PCDHA2: variants seen among roughly 807,000 people sequenced by gnomAD.
The protein encoded by PCDHA2 is protocadherin alpha-2.
In PCDHA2, 58 loss-of-function variants were observed where a neutral mutation model predicts 66.0. The ratio of observed to expected loss-of-function variants is 0.88; its 90% CI spans 0.71 to 1.09. PCDHA2 has a LOEUF of 1.09. Ranked by LOEUF, PCDHA2 falls within the 50% of genes least tolerant of loss-of-function variation. The probability of loss-of-function intolerance (pLI) is 0.00; values close to 1 mark genes in which losing one functional copy is unlikely to be tolerated. For missense variants in PCDHA2, 1,267 were observed against 1,242.3 expected (o/e 1.02, Z -0.30); for synonymous variants, 634 against 554.0 (o/e 1.14, Z -2.03).
chr5:140,832,005 A>G (rs1440445717), intron 1 of PCDHA2, among the ~76,000 whole-genome samples: 2 of 152,164 alleles, frequency 1.3e-5, no homozygotes, highest in African/African-American at 4.8e-5. Context: ...TATTGTTTTC[A>G]TTTTACGTAA....
chr5:140,982,795 A>ATGTG (rs60616196), intron 3 of PCDHA2, among the ~76,000 whole-genome samples: 1 of 151,628 alleles, frequency 6.6e-6, no homozygotes, highest in African/African-American at 2.4e-5. Context: ...GCATGTGTGC[A>ATGTG]TGTGTGTGTG....
intron 1 of PCDHA2, among the ~76,000 whole-genome samples, chr5:140,914,423 G>T (rs1293093692): frequency 3.3e-5 from 5 of 152,086 alleles, no homozygotes; most frequent in African/African-American, 1.2e-4. Context: ...CCATTAGCAA[G>T]GAATATCTTT....
chr5:140,832,197 C>T (rs1212075331), intron 1 of PCDHA2, among the ~76,000 whole-genome samples: 4 of 152,210 alleles, frequency 2.6e-5, no homozygotes, highest in Non-Finnish European at 5.9e-5. Context: ...ATTTAACCTG[C>T]TGAGTCCTCA....
chr5:140,835,695 A>C (rs2150242144), intron 1 of PCDHA2: 1 of 1,613,830 alleles, frequency 6.2e-7, no homozygotes. Flanking sequence ...TCTGTGGGCC[A>C]CTGCTAGCGT....
At chr5:140,821,429 A>G (rs1562259189) in intron 1 of PCDHA2, 1 of 191,712 alleles carries the variant, frequency 5.2e-6, no homozygotes, top group African/African-American at 2.4e-5. Context: ...ATATATTTTG[A>G]CTAGAGATAA....
intron 1 of PCDHA2, among the ~76,000 whole-genome samples, chr5:140,838,108 GT>G (rs1775540163): frequency 6.7e-6 from 1 of 149,734 alleles, no homozygotes; most frequent in Admixed American, 6.7e-5. Flanking sequence ...GTGTGTGTGT[GT>G]GTGTGTGTGT....
intron 1 of PCDHA2, chr5:140,876,574 G>A (rs1554168680): frequency 1.9e-6 from 3 of 1,614,158 alleles, no homozygotes; most frequent in Non-Finnish European, 2.5e-6. Flanking sequence ...GGTGGGTACC[G>A]TCATTGCCCT....
At chr5:140,829,389 C>T (rs1770271281) in intron 1 of PCDHA2, 3 of 1,614,192 alleles carry the variant, frequency 1.9e-6, no homozygotes, top group Non-Finnish European at 2.5e-6. Flanking sequence ...GGGGGCTCGC[C>T]TTCGCTGTGG....
At chr5:140,832,391 G>A (rs2150201447) in intron 1 of PCDHA2, among the ~76,000 whole-genome samples, 3 of 152,134 alleles carry the variant, frequency 2.0e-5, no homozygotes, top group East Asian at 1.9e-4. Flanking sequence ...GGCAGAAACT[G>A]GTAGTGGTAT....
chr5:140,980,890 C>G (rs1554242450), intron 2 of PCDHA2, among the ~76,000 whole-genome samples: 1 of 152,104 alleles, frequency 6.6e-6, no homozygotes, highest in African/African-American at 2.4e-5. Flanking sequence ...TCTTTCCAGT[C>G]TTGGACATCA....
At chr5:140,959,800 G>A (rs193288186) in intron 1 of PCDHA2, among the ~76,000 whole-genome samples, 1 of 152,080 alleles carries the variant, frequency 6.6e-6, no homozygotes, top group Admixed American at 6.5e-5. Context: ...CTAATTTAGA[G>A]GATTTATATT....
intron 1 of PCDHA2, among the ~76,000 whole-genome samples, chr5:140,973,993 G>T (rs1554235720): frequency 6.6e-6 from 1 of 152,122 alleles, no homozygotes. Flanking sequence ...ACTTCACCTG[G>T]ATCAATGTTT....
At chr5:140,829,901 A>G (rs2150177337) in intron 1 of PCDHA2, 11 of 1,613,874 alleles carry the variant, frequency 6.8e-6, no homozygotes, top group Non-Finnish European at 8.5e-6. Flanking sequence ...CTCAGGCTAC[A>G]ACGCGTGGCT....
intron 1 of PCDHA2, among the ~76,000 whole-genome samples, chr5:140,965,537 A>T (rs528440377): frequency 1.3e-5 from 2 of 152,204 alleles, no homozygotes; most frequent in East Asian, 3.9e-4. Context: ...ATGGAATCCA[A>T]ATTCCAGCCT....
chr5:140,899,672 T>C (rs1280165974), intron 1 of PCDHA2, among the ~76,000 whole-genome samples: 1 of 152,218 alleles, frequency 6.6e-6, no homozygotes, highest in Non-Finnish European at 1.5e-5. Flanking sequence ...CCGGCTTTGG[T>C]ATCAGGATGA....
chr5:140,796,266 A>G lies in PCDHA2; in HGVS notation c.1302A>G (p.Ser434=). 3.1e-6 allele frequency: 5 copies of G among 1,614,046 alleles called. No individual in the cohort carries two copies. Among genetic ancestry groups the G allele is most frequent in the Non-Finnish European group, 3.4e-6 (4 of 1,180,028 alleles). ...CCGCACGGGACGGGGGCTCGCCTTC[A>G]CTGTGGGCCACCACCAGCGTGTCCA... ...VVTARDGGSP[S]LWATTSVSIE... Residue 434 remains serine (S), a synonymous_variant, in exon 1 of 4, where the codon TCA becomes TCG. Transcript: ENST00000526136.
Position 140,795,991 on chromosome 5 carries a change from A to G in PCDHA2, c.1027A>G (p.Ile343Val), listed in dbSNP as rs1554119645. The part of the protein sequence containing the change: ...HCKISLKLVD[I>V]NDNTPEVSIT... ...TAAAATTTCATTAAAACTTGTGGAC[A>G]TCAATGATAACACACCAGAAGTCTC... Residue 343 changes from isoleucine to valine, a missense_variant, in exon 1 of 4, where the codon ATC (isoleucine) becomes GTC (valine). Ile to Val is a conservative substitution (Grantham distance 29). Coordinates refer to ENST00000526136, the MANE Select transcript of PCDHA2 (RefSeq NM_018905.3). 15 of 1,614,188 alleles carry G rather than the reference A, an allele frequency of 9.3e-6. No homozygotes were observed. Among genetic ancestry groups the G allele is most frequent in the African/African-American group, 1.3e-5 (1 of 75,056 alleles).
intron 1 of PCDHA2, among the ~76,000 whole-genome samples, chr5:140,891,030 T>G (rs1583035754): frequency 6.6e-6 from 1 of 151,856 alleles, no homozygotes; most frequent in Non-Finnish European, 1.5e-5. Context: ...GGGTATAATC[T>G]TAGGTGTGAC....
intron 1 of PCDHA2, chr5:140,876,017 T>TAAAAAC (rs782503573): frequency 2.3e-5 from 37 of 1,613,124 alleles, no homozygotes; most frequent in Non-Finnish European, 2.8e-5. Context: ...GAGCTTAAAA[T>TAAAAAC]AAAAACAAAA....
Sources: allele counts gnomAD v4.1 joint callset (sites outside exome capture counted in the v4.1 genomes callset), GRCh38; gene constraint gnomAD v4.1.1; transcripts MANE v1.5; gene names NCBI Gene and HGNC (gene_info 2026-07-23, HGNC 2026-07-21).